The following COL4A2 variants were observed in gnomAD, a reference collection of about 807,000 sequenced individuals.
COL4A2 encodes collagen type IV alpha 2 chain.
In COL4A2, 99 loss-of-function variants were observed where a neutral mutation model predicts 200.2. The ratio of observed to expected loss-of-function variants is 0.49; its 90% CI spans 0.42 to 0.58. The LOEUF is 0.58. Ranked by LOEUF, COL4A2 falls within the 20% of genes least tolerant of loss-of-function variation. COL4A2 has a pLI of 0.00. For synonymous variants in COL4A2, 897 were observed against 900.6 expected, an observed-to-expected ratio of 1.00 and a Z score of 0.07; for missense variants, 1,950 against 2,314.1, an observed-to-expected ratio of 0.84 and a Z score of 3.23.
intron 45 of COL4A2, among the ~76,000 whole-genome samples, chr13:110,505,583 AG>A: frequency 6.6e-6 from 1 of 152,124 alleles, no homozygotes; most frequent in Non-Finnish European, 1.5e-5. Context: ...GTCCCTTGGA[AG>A]GGGAGGGGAC....
chr13:110,434,561 A>G (rs1880802146), intron 12 of COL4A2, 119 bp downstream of exon 12: 3 of 999,522 alleles, frequency 3.0e-6, no homozygotes, highest in Non-Finnish European at 4.6e-6. Flanking sequence ...ATCTGCAGAC[A>G]GACCATTTGC....
chr13:110,402,711 C>T (rs1203843338), intron 4 of COL4A2, among the ~76,000 whole-genome samples: 2 of 152,254 alleles, frequency 1.3e-5, no homozygotes, highest in South Asian at 2.1e-4. Context: ...CCTCACCTTA[C>T]GGAGTGAGGA....
Position 110,508,455 on chromosome 13 carries a change from G to T in COL4A2, c.4881+234G>T. 1 of 656,844 alleles carries T rather than the reference G, an allele frequency of 1.5e-6. No individual in the cohort carries two copies. The highest frequency in any genetic ancestry group is 2.5e-6 in the Non-Finnish European group (1 of 392,348). The allele number at this position is 656,844 out of a possible 1,614,324, so 40.7% of individuals were successfully genotyped here. A position where few individuals can be genotyped will look rare whatever the true frequency, so the allele number is the denominator to read the frequency against. On this transcript the variant is annotated intron_variant, in intron 47 of 47. Transcript: ENST00000360467. This position sits in a 1 kb window ranked among gnomAD's most constrained non-coding sequence, Gnocchi z 6.1. Reference sequence around the variant, plus strand: ...AAAGGGCTCATTAATTTGCCACCAGGCCTTTGTAAGGAGTGTAACCAGGAC... The same window carrying T: ...AAAGGGCTCATTAATTTGCCACCAGTCCTTTGTAAGGAGTGTAACCAGGAC...
intron 16 of COL4A2, among the ~76,000 whole-genome samples, chr13:110,444,810 A>G (rs186286136): frequency 1.3e-5 from 2 of 152,304 alleles, no homozygotes; most frequent in East Asian, 3.9e-4. Flanking sequence ...TTTTTCTTTC[A>G]AAAAATGTTC....
chr13:110,354,615 C>A (rs555838208), intron 3 of COL4A2, among the ~76,000 whole-genome samples: 65 of 147,400 alleles, frequency 4.4e-4, no homozygotes, highest in African/African-American at 1.6e-3. Flanking sequence ...TGGGACTTTC[C>A]ACTTTTTGGA....
chr13:110,464,654 G>A (rs887408976), intron 24 of COL4A2, among the ~76,000 whole-genome samples: 3 of 152,210 alleles, frequency 2.0e-5, no homozygotes, highest in Non-Finnish European at 4.4e-5. Flanking sequence ...GTGGAGAGCA[G>A]GGTTTGATTT....
chr13:110,478,797 T>C (rs539549637), intron 30 of COL4A2, among the ~76,000 whole-genome samples: 2 of 139,522 alleles, frequency 1.4e-5, no homozygotes, highest in African/African-American at 5.0e-5. Context: ...AAAAACAGCT[T>C]TTTAAGGAAG....
chr13:110,365,839 G>T (rs1877722726), intron 4 of COL4A2, among the ~76,000 whole-genome samples: 1 of 152,202 alleles, frequency 6.6e-6, no homozygotes, highest in Non-Finnish European at 1.5e-5. Flanking sequence ...CGAAGCTAGG[G>T]CCTTTCTTAG....
intron 3 of COL4A2, among the ~76,000 whole-genome samples, chr13:110,334,256 C>G (rs1876066087): frequency 6.6e-6 from 1 of 152,242 alleles, no homozygotes; most frequent in African/African-American, 2.4e-5. Context: ...GCTGACCCAG[C>G]TTTGGAACTC....
chr13:110,338,820 C>T (rs1053745974), intron 3 of COL4A2, among the ~76,000 whole-genome samples: 7 of 152,236 alleles, frequency 4.6e-5, no homozygotes, highest in African/African-American at 7.2e-5. Context: ...CAGCCAAGAA[C>T]GACTGGCTGC....
Position 110,394,650 on chromosome 13 carries a change from G to A in COL4A2, c.181-30084G>A, listed in dbSNP as rs537990730. 4.6e-5 allele frequency among the ~76,000 whole-genome samples: 7 copies of A among 152,240 alleles called. No homozygotes were observed. In the South Asian group the frequency reaches 1.0e-3, roughly 23 times the overall value. The stretch of plus-strand genomic sequence containing the variant: ...GGCCAATATTCAGTTCCTTGTTCTC[G>A]CCTTGCCATTTGCCACGCTTCAGTC... On this transcript the variant is annotated intron_variant, in intron 4 of 47. Transcript: ENST00000360467.
At chr13:110,311,992 G>A (rs931480356) in intron 3 of COL4A2, among the ~76,000 whole-genome samples, 1 of 152,234 alleles carries the variant, frequency 6.6e-6, no homozygotes, top group Non-Finnish European at 1.5e-5. Flanking sequence ...CTTTCCGCAG[G>A]CTTTGGTACA....
At chr13:110,430,774 T>C (rs1197321280) in intron 10 of COL4A2, 167 bp downstream of exon 10, 4 of 972,628 alleles carry the variant, frequency 4.1e-6, no homozygotes, top group South Asian at 1.3e-5. Context: ...TTGCACACTT[T>C]GCTGCTGTTA....
At chr13:110,388,484 C>G (rs1878856326) in intron 4 of COL4A2, among the ~76,000 whole-genome samples, 1 of 152,236 alleles carries the variant, frequency 6.6e-6, no homozygotes, top group Non-Finnish European at 1.5e-5. Flanking sequence ...TGTCATGCTC[C>G]AAACTGCTGC....
intron 46 of COL4A2, 55 bp downstream of exon 46, chr13:110,506,661 C>T: frequency 3.3e-6 from 5 of 1,506,490 alleles, no homozygotes; most frequent in Non-Finnish European, 3.6e-6. Flanking sequence ...CCGGAAGTGG[C>T]CAAGATCAAA....
chr13:110,332,451 T>C (rs767678482), intron 3 of COL4A2, among the ~76,000 whole-genome samples: 2 of 152,208 alleles, frequency 1.3e-5, no homozygotes, highest in Non-Finnish European at 2.9e-5. Flanking sequence ...GATGAAGTGA[T>C]AGTGGCAGCA....
chr13:110,474,870 A>G (rs551439651), intron 29 of COL4A2, among the ~76,000 whole-genome samples: 64 of 123,340 alleles, frequency 5.2e-4, no homozygotes, highest in East Asian at 1.5e-3. Context: ...CACACTCCAT[A>G]CACACACGTA....
At chr13:110,456,476 A>T (rs375950522) in intron 20 of COL4A2, 27 of 319,326 alleles carry the variant, frequency 8.5e-5, no homozygotes, top group African/African-American at 5.9e-4. Context: ...ATGATCAAAA[A>T]ATCAAAACTT....
intron 3 of COL4A2, among the ~76,000 whole-genome samples, chr13:110,318,737 T>C (rs1229409611): frequency 6.6e-6 from 1 of 152,222 alleles, no homozygotes; most frequent in Non-Finnish European, 1.5e-5. Flanking sequence ...GTAGAGAGTT[T>C]AGCAATCTTA....
Sources: gnomAD v4.1 joint callset for allele counts (sites outside exome capture counted in the v4.1 genomes callset) on GRCh38, gnomAD v4.1.1 for gene constraint, Gnocchi (gnomAD v3.1) non-coding constraint, MANE v1.5 for transcripts, NCBI Gene and HGNC (gene_info 2026-07-23, HGNC 2026-07-21) for gene names.